The following GRID1 variants were observed in gnomAD, a reference collection of about 807,000 sequenced individuals.
GRID1 encodes glutamate ionotropic receptor delta type subunit 1.
Under a neutral mutation model 98.0 loss-of-function variants are expected in GRID1, and 28 were observed. The ratio of observed to expected loss-of-function variants is 0.29; its 90% CI spans 0.21 to 0.39. The LOEUF (loss-of-function observed/expected upper bound fraction) is 0.39, where lower values mean the gene tolerates loss of function less well. GRID1 is among the 10% of genes least tolerant of loss of function. The pLI, the probability that GRID1 is intolerant of heterozygous loss-of-function variation, is 1.00. For missense variants in GRID1, 1,111 were observed against 1,340.5 expected, an observed-to-expected ratio of 0.83 and a Z score of 2.67; for synonymous variants, 553 against 538.5, an observed-to-expected ratio of 1.03 and a Z score of -0.37.
At chr10:85,994,861 T>C (rs765693081) in intron 4 of GRID1, among the ~76,000 whole-genome samples, 4 of 152,256 alleles carry the variant, frequency 2.6e-5, no homozygotes, top group African/African-American at 7.2e-5. Context: ...GCACCTAATA[T>C]ATAAAATTTA....
intron 12 of GRID1, among the ~76,000 whole-genome samples, chr10:85,658,492 T>C (rs1481376763): frequency 6.6e-6 from 1 of 152,220 alleles, no homozygotes; most frequent in East Asian, 1.9e-4. Context: ...ACAAGAGCTG[T>C]CTTCATACTC....
At chr10:85,762,111 C>G (rs558944370) in intron 8 of GRID1, among the ~76,000 whole-genome samples, 32 of 152,336 alleles carry the variant, frequency 2.1e-4, no homozygotes, top group African/African-American at 7.0e-4. Flanking sequence ...TTAAGTGACA[C>G]TCAATTACAA....
At chr10:85,909,388 C>T (rs967810626) in intron 5 of GRID1, among the ~76,000 whole-genome samples, 1 of 152,180 alleles carries the variant, frequency 6.6e-6, no homozygotes, top group African/African-American at 2.4e-5. Context: ...GGCAATTCCA[C>T]TTGTAGGTAT....
intron 2 of GRID1, among the ~76,000 whole-genome samples, chr10:86,265,930 C>T (rs1847096668): frequency 6.6e-6 from 1 of 152,160 alleles, no homozygotes; most frequent in African/African-American, 2.4e-5. Flanking sequence ...TCATCCACTG[C>T]CCTGGCTCAG....
intron 4 of GRID1, among the ~76,000 whole-genome samples, chr10:85,938,633 G>A (rs1181108264): frequency 2.0e-5 from 3 of 152,136 alleles, no homozygotes; most frequent in Non-Finnish European, 4.4e-5. Context: ...GGGATAGTGA[G>A]TAAACATGCT....
intron 2 of GRID1, among the ~76,000 whole-genome samples, chr10:86,241,653 A>T (rs1189715084): frequency 6.6e-6 from 1 of 152,246 alleles, no homozygotes; most frequent in Admixed American, 6.5e-5. Context: ...ATATCAATAG[A>T]TCTTTAATTT....
At chr10:85,985,372 C>T (rs1006521795) in intron 4 of GRID1, among the ~76,000 whole-genome samples, 1 of 152,234 alleles carries the variant, frequency 6.6e-6, no homozygotes, top group Non-Finnish European at 1.5e-5. Context: ...AAGATCAACA[C>T]TAAGTGGCTG....
intron 5 of GRID1, among the ~76,000 whole-genome samples, chr10:85,873,290 G>A (rs1843296973): frequency 1.3e-5 from 2 of 152,154 alleles, no homozygotes; most frequent in South Asian, 4.1e-4. Context: ...CCTTTGTCCT[G>A]GGCAAAGATT....
chr10:85,694,686 T>C (rs757152117), intron 12 of GRID1, among the ~76,000 whole-genome samples: 64 of 149,770 alleles, frequency 4.3e-4, no homozygotes, highest in Non-Finnish European at 7.7e-4. Context: ...TTACCGTAAG[T>C]GAAATAACTC....
At chr10:85,933,303 A>T (rs985079950) in intron 4 of GRID1, among the ~76,000 whole-genome samples, 164 of 102,956 alleles carry the variant, frequency 1.6e-3, no homozygotes, top group African/African-American at 4.8e-3. Flanking sequence ...AAAAAAAAAA[A>T]AAAAAAAAAC....
At chr10:85,899,475 T>C (rs1841348129) in intron 5 of GRID1, among the ~76,000 whole-genome samples, 1 of 152,212 alleles carries the variant, frequency 6.6e-6, no homozygotes, top group Non-Finnish European at 1.5e-5. Context: ...ATGATTGATC[T>C]TGTTAGTGTA....
intron 8 of GRID1, among the ~76,000 whole-genome samples, chr10:85,823,819 A>C (rs1842794882): frequency 6.6e-6 from 1 of 152,226 alleles, no homozygotes; most frequent in South Asian, 2.1e-4. Flanking sequence ...AATACCTTTT[A>C]AAGTTATAAA....
At chr10:86,006,478 C>A (rs952149864) in intron 4 of GRID1, among the ~76,000 whole-genome samples, 2 of 152,078 alleles carry the variant, frequency 1.3e-5, no homozygotes, top group African/African-American at 4.8e-5. Flanking sequence ...ATTAGCTGAG[C>A]GTGGTGGCGG....
In GRID1 at chr10:86,357,931, G is replaced by C. The variant is rs567580371; in HGVS notation, c.235+6010C>G. Among the ~76,000 whole-genome samples the C allele has an allele frequency of 1.4e-4, 22 of 152,312 alleles. No homozygotes were observed. In the South Asian group the frequency reaches 4.4e-3, roughly 30 times the overall value. ...ACGAGGGCCGTCCCTTGGGGTGTAG[G>C]TAGGCATGGGCCTAGACGGTGAGGT... is the stretch of plus-strand genomic sequence containing the variant. On this transcript the variant is annotated intron_variant, in intron 2 of 15. Coordinates refer to ENST00000327946, the MANE Select transcript of GRID1 (RefSeq NM_017551.3).
intron 4 of GRID1, among the ~76,000 whole-genome samples, chr10:86,110,339 T>G (rs1180118917): frequency 6.6e-6 from 1 of 152,174 alleles, no homozygotes; most frequent in Admixed American, 6.5e-5. Flanking sequence ...CTCTACCATG[T>G]GGCTCTGCTT....
intron 3 of GRID1, among the ~76,000 whole-genome samples, chr10:86,202,168 C>T (rs527916686): frequency 3.3e-4 from 50 of 152,366 alleles, no homozygotes; most frequent in African/African-American, 9.1e-4. Flanking sequence ...AAAGGACTGC[C>T]GTGCCCTGGA....
intron 3 of GRID1, among the ~76,000 whole-genome samples, chr10:86,167,263 C>T (rs1845413525): frequency 6.6e-6 from 1 of 152,232 alleles, no homozygotes; most frequent in African/African-American, 2.4e-5. Flanking sequence ...ACCCTCCCTG[C>T]TGCTGTCTTC....
At chr10:86,337,118 T>C (rs1195388429) in intron 2 of GRID1, among the ~76,000 whole-genome samples, 2 of 151,840 alleles carry the variant, frequency 1.3e-5, no homozygotes, top group Non-Finnish European at 2.9e-5. Flanking sequence ...CCCAAAATGC[T>C]GGGATTACAG....
intron 4 of GRID1, among the ~76,000 whole-genome samples, chr10:86,134,620 C>T (rs1285446121): frequency 6.6e-6 from 1 of 152,176 alleles, no homozygotes; most frequent in African/African-American, 2.4e-5. Context: ...ACATCCCAGC[C>T]TCAGCTCCAG....
Sources: gnomAD v4.1 joint callset for allele counts (sites outside exome capture counted in the v4.1 genomes callset) on GRCh38, gnomAD v4.1.1 for gene constraint, MANE v1.5 for transcripts, NCBI Gene and HGNC (gene_info 2026-07-23, HGNC 2026-07-21) for gene names.